EXOC2: variants seen among roughly 807,000 people sequenced by gnomAD.
EXOC2 encodes SEC5-like 1.
Under a neutral mutation model 131.8 loss-of-function variants are expected in EXOC2, and 70 were observed. The observed-to-expected ratio is 0.53, with a 90% CI of 0.44 to 0.65. The LOEUF (loss-of-function observed/expected upper bound fraction) is 0.65. Among genes scored for constraint, EXOC2 ranks in the 30% least tolerant of loss-of-function variants. The pLI is 0.00. For synonymous variants in EXOC2, 411 were observed against 398.4 expected (o/e 1.03, Z -0.38); for missense variants, 923 against 1,108.6 (o/e 0.83, Z 2.38).
intron 1 of EXOC2, among the ~76,000 whole-genome samples, chr6:658,521 G>A (rs1241041977): frequency 5.3e-5 from 8 of 151,354 alleles, no homozygotes; most frequent in Non-Finnish European, 4.4e-5. Context: ...ATACACTGCT[G>A]TACACCCAGC....
At chr6:603,850 A>C (rs1760248502) in intron 7 of EXOC2, among the ~76,000 whole-genome samples, 1 of 152,190 alleles carries the variant, frequency 6.6e-6, no homozygotes, top group Non-Finnish European at 1.5e-5. Context: ...CGAGCGTAAG[A>C]CCAATCCTTA....
chr6:499,470 C>CACACAGAG (rs1554116842), intron 24 of EXOC2, among the ~76,000 whole-genome samples, 175 bp downstream of exon 24: 4 of 145,126 alleles, frequency 2.8e-5, no homozygotes, highest in Non-Finnish European at 6.1e-5. Flanking sequence ...CACACACACA[C>CACACAGAG]ACAGAGACAG....
intron 2 of EXOC2, among the ~76,000 whole-genome samples, chr6:633,678 T>G (rs1381242811): frequency 6.6e-6 from 1 of 152,172 alleles, no homozygotes; most frequent in African/African-American, 2.4e-5. Context: ...GCTCAGGCAT[T>G]ACTGGATTAC....
Position 564,082 on chromosome 6 carries a change from C to A in EXOC2, c.1740G>T (p.Leu580Phe). 1 of 1,614,062 alleles carries A rather than the reference C, an allele frequency of 6.2e-7. No homozygotes were observed. The highest frequency in any genetic ancestry group is 1.1e-5 in the South Asian group (1 of 91,072). Residue 580 changes from leucine (L) to phenylalanine (F), a missense_variant, in exon 16 of 28, where the codon TTG (leucine) becomes TTT (phenylalanine). By Grantham distance (22) the Leu-to-Phe change is conservative. Transcript: ENST00000230449. ...DLLQTIQDLI[L>F]DLRVRCVMAT... is the part of the protein sequence containing the mutation. ...CCATTACGCAACGTACTCGGAGATC[C>A]AAGATGAGATCCTGGATAGTCTGTA...
At position 639,651 on chromosome 6, in the gene EXOC2, G is replaced by A. The variant is rs143380313; in HGVS notation, c.-43-1790C>T. On this transcript the variant is annotated intron_variant, in intron 1 of 27. Transcript: ENST00000230449. ...TCTTCCCTGCAAAAAGGGAAGGGCC[G>A]CTTGCTTGTCCGCCCATCACCTGTA... 7.4e-3 allele frequency among the ~76,000 whole-genome samples: 1,123 copies of A among 152,308 alleles called. 16 individuals carry two copies. The highest frequency in any genetic ancestry group is 0.026 in the African/African-American group (1,065 of 41,552).
chr6:597,957 T>A, intron 10 of EXOC2, 64 bp downstream of exon 10: 1 of 1,203,532 alleles, frequency 8.3e-7, no homozygotes, highest in Non-Finnish European at 1.2e-6. Flanking sequence ...CCTTAAGGGT[T>A]ACAAGATGCA....
chr6:526,187 C>T (rs1765724421), intron 23 of EXOC2, among the ~76,000 whole-genome samples: 1 of 152,126 alleles, frequency 6.6e-6, no homozygotes, highest in African/African-American at 2.4e-5. Flanking sequence ...ATTTACACTC[C>T]TAGAAAGATG....
intron 7 of EXOC2, among the ~76,000 whole-genome samples, chr6:608,232 C>T (rs938627334): frequency 2.0e-5 from 3 of 152,240 alleles, no homozygotes; most frequent in Non-Finnish European, 2.9e-5. Flanking sequence ...CTGGGCGGGA[C>T]TCTCTCGGGG....
At chr6:495,213 CCTCCAGGGTTCACGCCATT>C (rs2127473785) in intron 25 of EXOC2, among the ~76,000 whole-genome samples, 1 of 151,636 alleles carries the variant, frequency 6.6e-6, no homozygotes, top group South Asian at 2.1e-4. Context: ...GCGAGCTCCA[CCTCCAGGGTTCACGCCATT>C]CTCCTGCCTC....
chr6:541,243 T>C (rs978374774), intron 22 of EXOC2, among the ~76,000 whole-genome samples: 3 of 152,134 alleles, frequency 2.0e-5, no homozygotes, highest in Admixed American at 6.6e-5. Flanking sequence ...AAGACTAAAA[T>C]AGAATATTAA....
At chr6:588,440 C>T (rs1759337631) in intron 11 of EXOC2, among the ~76,000 whole-genome samples, 1 of 152,000 alleles carries the variant, frequency 6.6e-6, no homozygotes, top group South Asian at 2.1e-4. Flanking sequence ...ATAACCTCTG[C>T]CTCCTGGGTT....
rs1007195738 is a variant in EXOC2, at chr6:616,171, C to T, written c.661+1540G>A. 2.6e-5 allele frequency among the ~76,000 whole-genome samples: 4 copies of T among 152,272 alleles called. No homozygotes were observed. The East Asian group carries it at 7.7e-4, about 29-fold the overall frequency. On this transcript the variant is annotated intron_variant, in intron 6 of 27. Coordinates refer to ENST00000230449, the MANE Select transcript of EXOC2 (RefSeq NM_018303.6). ...CTCTCTGTGTTGCTCTATGTGCTGTCAGTGGTAATTTAGAGAGAAGAGCAA... is the reference window on the plus strand; with the variant it reads ...CTCTCTGTGTTGCTCTATGTGCTGTTAGTGGTAATTTAGAGAGAAGAGCAA...
intron 23 of EXOC2, among the ~76,000 whole-genome samples, chr6:527,474 T>G (rs533821193): frequency 1.3e-5 from 2 of 152,246 alleles, no homozygotes; most frequent in Non-Finnish European, 2.9e-5. Context: ...AGACTTACAT[T>G]TTCTTTCTCT....
At chr6:692,760 G>T (rs1443820597) in intron 1 of EXOC2, among the ~76,000 whole-genome samples, 1 of 152,076 alleles carries the variant, frequency 6.6e-6, no homozygotes, top group East Asian at 1.9e-4. Context: ...GCCCCTCACC[G>T]GCGCAGGTGG....
intron 1 of EXOC2, among the ~76,000 whole-genome samples, chr6:682,202 T>TCC (rs1554151157): frequency 7.4e-6 from 1 of 135,242 alleles, no homozygotes; most frequent in African/African-American, 3.2e-5. Context: ...CCAGTTTCTT[T>TCC]TTTTTTTTTT....
intron 23 of EXOC2, among the ~76,000 whole-genome samples, chr6:517,280 G>T (rs1400755661): frequency 6.6e-6 from 1 of 152,040 alleles, no homozygotes; most frequent in Non-Finnish European, 1.5e-5. Flanking sequence ...CTATGGCGAG[G>T]CTGTACTGTC....
At chr6:634,213 G>T (rs1043673516) in intron 2 of EXOC2, among the ~76,000 whole-genome samples, 1 of 151,972 alleles carries the variant, frequency 6.6e-6, no homozygotes, top group Non-Finnish European at 1.5e-5. Context: ...CTACCGGTGA[G>T]CACCACCACG....
chr6:656,573 G>T (rs1340147557), intron 1 of EXOC2: 12 of 1,591,440 alleles, frequency 7.5e-6, no homozygotes, highest in Non-Finnish European at 9.4e-6. Flanking sequence ...CGCTGCGAGC[G>T]CGGCCCAGGG....
chr6:617,603 C>G (rs1227327933), intron 6 of EXOC2, 108 bp downstream of exon 6: 1 of 1,381,044 alleles, frequency 7.2e-7, no homozygotes, highest in Non-Finnish European at 9.6e-7. Flanking sequence ...TTTGAGATCT[C>G]TACTTTGATA....
Sources: allele counts gnomAD v4.1 joint callset (sites outside exome capture counted in the v4.1 genomes callset), GRCh38; gene constraint gnomAD v4.1.1; transcripts MANE v1.5; gene names NCBI Gene and HGNC (gene_info 2026-07-23, HGNC 2026-07-21).